COP1: variants seen among roughly 807,000 people sequenced by gnomAD.
COP1 encodes the protein E3 ubiquitin-protein ligase COP1.
COP1 carries 24 observed loss-of-function variants against 101.3 expected under a neutral mutation model. That is an observed-to-expected ratio of 0.24 (90% confidence interval 0.17 to 0.33). The LOEUF (loss-of-function observed/expected upper bound fraction) is 0.33. Ranked by LOEUF, COP1 falls within the 10% of genes least tolerant of loss-of-function variation. The pLI, the probability that COP1 is intolerant of heterozygous loss-of-function variation, is 1.00. For synonymous variants in COP1, 347 were observed against 341.9 expected (o/e 1.01, Z -0.17); for missense variants, 663 against 906.2 (o/e 0.73, Z 3.45).
At chr1:175,993,262 A>C (rs926902362) in intron 15 of COP1, among the ~76,000 whole-genome samples, 4 of 152,186 alleles carry the variant, frequency 2.6e-5, no homozygotes, top group African/African-American at 9.7e-5. Flanking sequence ...ACCATCAAAG[A>C]CCAAAAGTAG....
intron 15 of COP1, among the ~76,000 whole-genome samples, chr1:175,993,820 G>A (rs945247362): frequency 1.3e-5 from 2 of 152,292 alleles, no homozygotes; most frequent in East Asian, 3.9e-4. Flanking sequence ...AAAACACTCT[G>A]CAGGATATTA....
chr1:176,009,628 C>G (rs144596072), intron 15 of COP1, among the ~76,000 whole-genome samples: 40 of 152,068 alleles, frequency 2.6e-4, no homozygotes, highest in African/African-American at 9.2e-4. Flanking sequence ...GTACTCATAA[C>G]CAGTTTGGTA....
Position 176,193,041 on chromosome 1 carries a change from T to C in COP1, c.408-8349A>G, listed in dbSNP as rs560221292. Among the ~76,000 whole-genome samples, 5 of 152,286 alleles carry C rather than the reference T, an allele frequency of 3.3e-5. No individual in the cohort carries two copies. The South Asian group carries it at 1.0e-3, about 32-fold the overall frequency. On this transcript the variant is annotated intron_variant, in intron 1 of 19. Coordinates refer to ENST00000367669, the MANE Select transcript of COP1 (RefSeq NM_022457.7). ...AAAATGCATTCAAACAGTGAAAATATGGATGACAACTTTCCCTTAACTTCC... is the reference window on the plus strand; with the variant it reads ...AAAATGCATTCAAACAGTGAAAATACGGATGACAACTTTCCCTTAACTTCC...
In COP1 at chr1:176,040,169, T is replaced by C. The variant is rs544426560; in HGVS notation, c.1612+3017A>G. On this transcript the variant is annotated intron_variant, in intron 14 of 19. Coordinates refer to ENST00000367669, the MANE Select transcript of COP1 (RefSeq NM_022457.7). ...AAAAAAACTAAAATAAATATATCTA[T>C]TGTAACATGGTACTCTCACTAATTT... is the stretch of plus-strand genomic sequence containing the variant. Among the ~76,000 whole-genome samples the C allele has an allele frequency of 1.4e-4, 21 of 152,288 alleles. No homozygotes were observed. In the South Asian group the frequency reaches 4.1e-3, roughly 30 times the overall value.
chr1:175,990,321 C>T (rs1369654426), intron 15 of COP1, among the ~76,000 whole-genome samples: 1 of 152,014 alleles, frequency 6.6e-6, no homozygotes, highest in Non-Finnish European at 1.5e-5. Flanking sequence ...TGTATGTCTT[C>T]AATCATTTTA....
At chr1:175,999,271 A>T (rs1234847472) in intron 15 of COP1, among the ~76,000 whole-genome samples, 2 of 151,822 alleles carry the variant, frequency 1.3e-5, no homozygotes, top group Admixed American at 1.3e-4. Flanking sequence ...CCCTTCTCAG[A>T]CTCTGGTAAC....
chr1:176,198,098 C>A (rs895680398), intron 1 of COP1, among the ~76,000 whole-genome samples: 23 of 152,024 alleles, frequency 1.5e-4, no homozygotes, highest in African/African-American at 5.3e-4. Context: ...TTCAAAGTAA[C>A]CAACATTAAA....
At chr1:176,073,027 T>C (rs907865870) in intron 11 of COP1, among the ~76,000 whole-genome samples, 1 of 152,164 alleles carries the variant, frequency 6.6e-6, no homozygotes, top group African/African-American at 2.4e-5. Context: ...GCACTAGAAT[T>C]CAGGTACGCC....
intron 12 of COP1, among the ~76,000 whole-genome samples, chr1:176,044,052 T>C (rs1671084692): frequency 6.6e-6 from 1 of 152,204 alleles, no homozygotes; most frequent in Non-Finnish European, 1.5e-5. Context: ...TCACTAGCTG[T>C]TAAGATGGAT....
chr1:176,112,223 CAA>C (rs1186171855), intron 9 of COP1, among the ~76,000 whole-genome samples: 1 of 134,362 alleles, frequency 7.4e-6, no homozygotes. Context: ...AAAATATTTC[CAA>C]AAAAAAAAAA....
At position 176,046,336 on chromosome 1, in the gene COP1, A is replaced by T; in HGVS notation, c.1278-12T>A. 6.2e-7 allele frequency: 1 copy of T among 1,604,268 alleles called. No homozygotes were observed. Among genetic ancestry groups the T allele is most frequent in the South Asian group, 1.1e-5 (1 of 88,472 alleles). Reference sequence around the variant, plus strand: ...GGTCAAATTCAATACTAAGGGGAAAAAGTATGTAATGACAACATTTCAGAA... The same window carrying T: ...GGTCAAATTCAATACTAAGGGGAAATAGTATGTAATGACAACATTTCAGAA... On this transcript the variant is annotated splice_polypyrimidine_tract_variant and intron_variant, in intron 11 of 19. Transcript: ENST00000367669.
chr1:175,971,613 T>C (rs1410738149), intron 18 of COP1, among the ~76,000 whole-genome samples: 1 of 152,148 alleles, frequency 6.6e-6, no homozygotes, highest in African/African-American at 2.4e-5. Flanking sequence ...CACTCTCCAA[T>C]ACCTTGCCCT....
chr1:176,130,560 T>C (rs986399388), intron 8 of COP1, among the ~76,000 whole-genome samples: 3 of 151,828 alleles, frequency 2.0e-5, no homozygotes, highest in African/African-American at 7.2e-5. Flanking sequence ...ATTCAACTGA[T>C]ATATTTTTTT....
Position 176,116,655 on chromosome 1 carries a change from C to T in COP1, c.995G>A (p.Ser332Asn). 6.2e-7 allele frequency: 1 copy of T among 1,611,604 alleles called. No individual in the cohort carries two copies. Among genetic ancestry groups the T allele is most frequent in the African/African-American group, 1.3e-5 (1 of 74,908 alleles). ...ACTGCCACTGAAACCTGGAGGTTGG[C>T]TGTATTCTGTGGAATCAATAATACT... is the stretch of plus-strand genomic sequence containing the variant. ...HSSIIDSTEY[S>N]QPPGFSGSSQ... The change falls in exon 9 of 20, where the codon AGC (serine) becomes AAC (asparagine). Residue 332 changes from serine to asparagine, a missense_variant. This residue lies in a region of COP1 where 212 missense variants were observed against 240.7 expected (regional missense o/e 0.88). Transcript: ENST00000367669.
At chr1:176,154,214 AT>A (rs1693093622) in intron 5 of COP1, among the ~76,000 whole-genome samples, 1 of 152,108 alleles carries the variant, frequency 6.6e-6, no homozygotes, top group East Asian at 1.9e-4. Context: ...TACTGATTTA[AT>A]TTTGGAGCTC....
intron 15 of COP1, among the ~76,000 whole-genome samples, chr1:176,000,205 A>C (rs1181650498): frequency 6.6e-6 from 1 of 152,020 alleles, no homozygotes; most frequent in Non-Finnish European, 1.5e-5. Flanking sequence ...GATTTCCCCC[A>C]GTGTTTTCTT....
intron 11 of COP1, among the ~76,000 whole-genome samples, chr1:176,075,801 G>C (rs561629718): frequency 6.6e-6 from 1 of 151,972 alleles, no homozygotes; most frequent in East Asian, 1.9e-4. Flanking sequence ...TCAGGAGTTC[G>C]AGACCAGCCT....
At chr1:175,965,627 C>T (rs768483214) in intron 18 of COP1, among the ~76,000 whole-genome samples, 8 of 151,720 alleles carry the variant, frequency 5.3e-5, no homozygotes, top group African/African-American at 7.3e-5. Flanking sequence ...CTCGCTCTGT[C>T]GCTCAGGCTG....
chr1:176,102,133 G>T (rs966742787), intron 9 of COP1, among the ~76,000 whole-genome samples: 1 of 152,132 alleles, frequency 6.6e-6, no homozygotes, highest in African/African-American at 2.4e-5. Flanking sequence ...GCCTCAGGAA[G>T]TTTGTGCCAT....
Sources: allele counts gnomAD v4.1 joint callset (sites outside exome capture counted in the v4.1 genomes callset), GRCh38; gene constraint gnomAD v4.1.1; regional missense constraint gnomAD v4.1.1; transcripts MANE v1.5; gene names NCBI Gene and HGNC (gene_info 2026-07-23, HGNC 2026-07-21).